The following DOCK4 variants were observed in gnomAD, a reference collection of about 807,000 sequenced individuals.
DOCK4 encodes the protein dedicator of cytokinesis protein 4.
Under a neutral mutation model 268.1 loss-of-function variants are expected in DOCK4, and 97 were observed. That is an observed-to-expected ratio of 0.36 (90% CI 0.31 to 0.43). DOCK4 has a LOEUF of 0.43. Ranked by LOEUF, DOCK4 falls within the 20% of genes least tolerant of loss-of-function variation. The probability of loss-of-function intolerance (pLI) is 1.00; values close to 1 mark genes in which losing one functional copy is unlikely to be tolerated. For synonymous variants in DOCK4, 954 were observed against 887.2 expected (o/e 1.08, Z -1.34); for missense variants, 2,145 against 2,455.7 (o/e 0.87, Z 2.67).
At chr7:111,905,588 G>A (rs1269316707) in intron 13 of DOCK4, among the ~76,000 whole-genome samples, 2 of 152,124 alleles carry the variant, frequency 1.3e-5, no homozygotes, top group African/African-American at 2.4e-5. Context: ...TCTTATGAAT[G>A]TCTTGGATAA....
intron 1 of DOCK4, among the ~76,000 whole-genome samples, chr7:112,120,384 T>A (rs940669290): frequency 5.9e-5 from 9 of 152,174 alleles, no homozygotes; most frequent in Admixed American, 6.5e-5. Context: ...GAAAAAGAAA[T>A]CCGGTCTCAA....
chr7:111,919,300 A>C lies in DOCK4; in HGVS notation c.1067-3396T>G, dbSNP rs112953294. ...TTTAGAAAAAGACAGATGGAGGGGG[A>C]GTAATAATAAACAGAAATACATCAG... is the stretch of plus-strand genomic sequence containing the variant. On this transcript the variant is annotated intron_variant, in intron 12 of 52. Coordinates refer to ENST00000428084, the MANE Select transcript of DOCK4 (RefSeq NM_001363540.2). Among the ~76,000 whole-genome samples the C allele has an allele frequency of 9.8e-3, 1,496 of 152,192 alleles. 27 individuals are homozygous for C. Among genetic ancestry groups the C allele is most frequent in the African/African-American group, 0.034 (1,394 of 41,520 alleles).
intron 6 of DOCK4, 100 bp downstream of exon 6, chr7:111,988,915 T>G: frequency 1.4e-6 from 2 of 1,467,502 alleles, no homozygotes; most frequent in African/African-American, 1.4e-5. Flanking sequence ...AAAAAGCCCA[T>G]AGGATTGCTT....
At chr7:111,998,058 C>A (rs191034096) in intron 4 of DOCK4, among the ~76,000 whole-genome samples, 1 of 152,278 alleles carries the variant, frequency 6.6e-6, no homozygotes, top group East Asian at 1.9e-4. Flanking sequence ...GAAAGACACA[C>A]TATGCATCTT....
intron 1 of DOCK4, among the ~76,000 whole-genome samples, chr7:112,166,916 C>G (rs796256712): frequency 3.1e-4 from 47 of 152,062 alleles, no homozygotes; most frequent in African/African-American, 1.1e-3. Flanking sequence ...TCCTCCTGCC[C>G]CAGCCTTCAG....
chr7:111,783,602 G>A (rs946154786), intron 34 of DOCK4, among the ~76,000 whole-genome samples: 2 of 149,438 alleles, frequency 1.3e-5, no homozygotes, highest in African/African-American at 4.9e-5. Flanking sequence ...CAGGGACTCC[G>A]AGAATCCTCT....
chr7:112,190,554 T>C (rs189186624), intron 1 of DOCK4, among the ~76,000 whole-genome samples: 1 of 152,032 alleles, frequency 6.6e-6, no homozygotes, highest in Non-Finnish European at 1.5e-5. Flanking sequence ...TTCCATAGGA[T>C]GGAGGACAGC....
chr7:112,143,184 G>A (rs1815096732), intron 1 of DOCK4, among the ~76,000 whole-genome samples: 1 of 151,820 alleles, frequency 6.6e-6, no homozygotes, highest in African/African-American at 2.4e-5. Flanking sequence ...TCTCCTCTGG[G>A]CCACTCCAAG....
chr7:112,003,975 T>C (rs1800646392), intron 2 of DOCK4, 73 bp downstream of exon 2: 10 of 1,159,612 alleles, frequency 8.6e-6, no homozygotes, highest in African/African-American at 3.2e-5. Flanking sequence ...CAGAGATTAA[T>C]AGCGGTATGG....
chr7:112,104,866 C>T (rs1451292438), intron 1 of DOCK4, among the ~76,000 whole-genome samples: 2 of 151,710 alleles, frequency 1.3e-5, no homozygotes, highest in Non-Finnish European at 2.9e-5. Context: ...TATAATTAAC[C>T]CAATGCTAAA....
chr7:111,854,984 A>C (rs529566961), intron 23 of DOCK4, among the ~76,000 whole-genome samples: 1 of 152,366 alleles, frequency 6.6e-6, no homozygotes, highest in South Asian at 2.1e-4. Flanking sequence ...GTGGGGCACC[A>C]AAATTTCTTG....
At position 112,206,234 on chromosome 7, in the gene DOCK4, G is replaced by T. The variant is rs529335059; in HGVS notation, c.-96C>A. On this transcript the variant is annotated 5_prime_UTR_variant, in exon 1 of 53. Transcript: ENST00000428084. ...AGTCCCCGAGCAGCGCTGCAGTGCC[G>T]GAGCCCAGCGGCTTCGCGCGGGCTG... 200 of 1,371,860 alleles carry T rather than the reference G, an allele frequency of 1.5e-4. No homozygotes were observed. The highest frequency in any genetic ancestry group is 1.9e-4 in the Non-Finnish European group (191 of 993,066). 85.0% of individuals were successfully genotyped at this position (1,371,860 alleles called of 1,614,324 possible).
At chr7:112,064,002 T>A (rs1806694675) in intron 1 of DOCK4, among the ~76,000 whole-genome samples, 1 of 152,114 alleles carries the variant, frequency 6.6e-6, no homozygotes, top group South Asian at 2.1e-4. Context: ...ACAGCTAGAG[T>A]ACAGCCTGGT....
At chr7:111,837,485 G>A (rs75424621) in intron 25 of DOCK4, among the ~76,000 whole-genome samples, 3,869 of 152,198 alleles carry the variant, frequency 0.025, 180 homozygotes, top group African/African-American at 0.088. Flanking sequence ...CACAGAAAGC[G>A]TAGCTGTGTA....
chr7:111,825,943 G>A (rs1457436775), intron 26 of DOCK4, among the ~76,000 whole-genome samples: 1 of 152,140 alleles, frequency 6.6e-6, no homozygotes, highest in East Asian at 1.9e-4. Flanking sequence ...TAAATATCGG[G>A]TGCTTTACTA....
chr7:111,915,396 C>G (rs1029523278), intron 13 of DOCK4, among the ~76,000 whole-genome samples: 2 of 152,122 alleles, frequency 1.3e-5, no homozygotes, highest in African/African-American at 4.8e-5. Context: ...CTTAGGATAT[C>G]CTCTAAGCAT....
chr7:111,731,262 C>T (rs919102011), intron 52 of DOCK4, among the ~76,000 whole-genome samples: 1 of 152,140 alleles, frequency 6.6e-6, no homozygotes, highest in African/African-American at 2.4e-5. Context: ...CGGGGGGAGG[C>T]GGGTTGTTTT....
intron 35 of DOCK4, among the ~76,000 whole-genome samples, chr7:111,779,589 T>C (rs1455866901): frequency 6.6e-6 from 1 of 152,098 alleles, no homozygotes; most frequent in Non-Finnish European, 1.5e-5. Flanking sequence ...GATGGGGTTT[T>C]GCCATGATGC....
intron 1 of DOCK4, among the ~76,000 whole-genome samples, chr7:112,081,427 G>A (rs1236653842): frequency 1.3e-5 from 2 of 152,202 alleles, no homozygotes; most frequent in Non-Finnish European, 2.9e-5. Context: ...CTCAGGGTGA[G>A]GACAGAGTCC....
Sources: gnomAD v4.1 joint callset for allele counts (sites outside exome capture counted in the v4.1 genomes callset) on GRCh38, gnomAD v4.1.1 for gene constraint, MANE v1.5 for transcripts, NCBI Gene and HGNC (gene_info 2026-07-23, HGNC 2026-07-21) for gene names.